Variants in GLB1 observed in about 807,000 individuals in gnomAD.
GLB1 encodes the protein galactosidase beta 1.
In GLB1, 56 loss-of-function variants were observed where a neutral mutation model predicts 74.0. The observed-to-expected ratio is 0.76, with a 90% CI of 0.61 to 0.94. GLB1 has a LOEUF of 0.94. Among genes scored for constraint, GLB1 ranks in the 40% least tolerant of loss-of-function variants. The pLI, the probability that GLB1 is intolerant of heterozygous loss-of-function variation, is 0.00. For synonymous variants in GLB1, 323 were observed against 323.6 expected, an observed-to-expected ratio of 1.00 and a Z score of 0.02; for missense variants, 787 against 845.5, an observed-to-expected ratio of 0.93 and a Z score of 0.86.
At position 33,051,980 on chromosome 3, in the gene GLB1, A is replaced by C; in HGVS notation, c.817T>G (p.Trp273Gly). 6.2e-7 allele frequency: 1 copy of C among 1,614,232 alleles called. No homozygotes were observed. Among genetic ancestry groups the C allele is most frequent in the Non-Finnish European group, 8.5e-7 (1 of 1,180,044 alleles). The change falls in exon 8 of 16, where the codon TGG becomes GGG. Residue 273 changes from tryptophan to glycine, a missense_variant. By Grantham distance (184) the Trp-to-Gly change is radical (BLOSUM62 -2). Transcript: ENST00000307363. ...PLINSEFYTG[W>G]LDHWGQPHST... Reference sequence around the variant, plus strand: ...TGAGGTTGGCCCCAGTGATCTAGCCAGCCAGTATAGAATTCAGAATTGATC... The same window carrying C: ...TGAGGTTGGCCCCAGTGATCTAGCCCGCCAGTATAGAATTCAGAATTGATC...
chr3:33,049,811 T>C (rs930177448), intron 9 of GLB1, among the ~76,000 whole-genome samples: 1 of 152,148 alleles, frequency 6.6e-6, no homozygotes, highest in Non-Finnish European at 1.5e-5. Flanking sequence ...CACACTATTA[T>C]CTTATATGCA....
intron 15 of GLB1, among the ~76,000 whole-genome samples, chr3:33,011,618 C>T (rs1440933624): frequency 1.5e-5 from 2 of 132,034 alleles, no homozygotes; most frequent in African/African-American, 5.9e-5. Context: ...GTACTCCAGC[C>T]TAGGTGACAG....
chr3:33,092,510 GA>G, intron 1 of GLB1: 1 of 1,098,834 alleles, frequency 9.1e-7, no homozygotes, highest in Non-Finnish European at 1.1e-6. Flanking sequence ...TAGCAACCCC[GA>G]GGGGAGGTTC....
chr3:33,075,485 T>C (rs1700072434), intron 1 of GLB1, among the ~76,000 whole-genome samples: 1 of 152,190 alleles, frequency 6.6e-6, no homozygotes, highest in Admixed American at 6.6e-5. Context: ...TTTACAAATA[T>C]AGTATTACCA....
chr3:33,096,540 T>C (rs991929245), intron 1 of GLB1: 2 of 984,710 alleles, frequency 2.0e-6, no homozygotes, highest in Non-Finnish European at 2.4e-6. Context: ...AGAGGGGAAA[T>C]AACCCAATGT....
In GLB1 at chr3:33,018,430, T is replaced by G. The variant is rs766637186; in HGVS notation, c.1347+18A>C. ...ACCCTCACTGGGACAAAACGCACAGTTCAGAGACGATTCTTACCCCATCCA... is the reference window on the plus strand; with the variant it reads ...ACCCTCACTGGGACAAAACGCACAGGTCAGAGACGATTCTTACCCCATCCA... On this transcript the variant is annotated intron_variant, in intron 13 of 15. Coordinates refer to ENST00000307363, the MANE Select transcript of GLB1 (RefSeq NM_000404.4). 6 of 1,612,524 alleles carry G rather than the reference T, an allele frequency of 3.7e-6. No homozygotes were observed. The East Asian group carries it at 1.3e-4, about 36-fold the overall frequency.
chr3:33,068,150 G>A lies in GLB1; in HGVS notation c.457+80C>T. Reference sequence around the variant, plus strand: ...AATCCACCCGCCTCAGCCTCCCAAAGTGTCAGGATTACAGGCGTGAGCCAC... The same window carrying A: ...AATCCACCCGCCTCAGCCTCCCAAAATGTCAGGATTACAGGCGTGAGCCAC... On this transcript the variant is annotated intron_variant, in intron 4 of 15. Coordinates refer to ENST00000307363, the MANE Select transcript of GLB1 (RefSeq NM_000404.4). The A allele has an allele frequency of 3.1e-6, 5 of 1,600,134 alleles. No homozygotes were observed. In the South Asian group the frequency reaches 5.5e-5, roughly 18 times the overall value.
intron 1 of GLB1, among the ~76,000 whole-genome samples, chr3:33,094,659 C>A (rs971961853): frequency 6.2e-5 from 7 of 112,952 alleles, no homozygotes; most frequent in Non-Finnish European, 1.3e-4. Context: ...CCATTACTGC[C>A]TTTTCCATTC....
intron 1 of GLB1, 49 bp from the exon 2 acceptor site, chr3:33,072,762 C>A: frequency 6.2e-7 from 1 of 1,611,946 alleles, no homozygotes; most frequent in Non-Finnish European, 8.5e-7. Context: ...TTCTGCATTT[C>A]AGAAGCCGAT....
At chr3:32,969,882 AGGGCCTACTTGGCCCCCG>A in the GLB1 span, among the ~76,000 whole-genome samples, 1 of 152,250 alleles carries the variant, frequency 6.6e-6, no homozygotes, top group East Asian at 1.9e-4. Context: ...ATCCACCACA[AGGGCCTACTTGGCCCCCG>A]GGAGTTCAGG....
chr3:32,996,333 A>T (rs1461477225), downstream of GLB1, among the ~76,000 whole-genome samples: 1 of 152,200 alleles, frequency 6.6e-6, no homozygotes, highest in Non-Finnish European at 1.5e-5. Flanking sequence ...TGAATATGTG[A>T]AGTTCTTATG....
chr3:32,997,489 A>G, intron 15 of GLB1, 145 bp from the exon 16 acceptor site: 2 of 1,389,380 alleles, frequency 1.4e-6, no homozygotes, highest in Non-Finnish European at 2.0e-6. Flanking sequence ...GGCCCATGCC[A>G]GCCTTGGTTT....
chr3:33,074,362 AAGG>A (rs1464015075), intron 1 of GLB1, among the ~76,000 whole-genome samples: 6 of 117,366 alleles, frequency 5.1e-5, no homozygotes, highest in African/African-American at 1.9e-4. Flanking sequence ...GGAAGGAAGG[AAGG>A]AAGGAAGGAA....
Position 33,068,978 on chromosome 3 carries a change from GACAC to G in GLB1, c.246-12_246-9del, listed in dbSNP as rs758815623. On this transcript the variant is annotated splice_polypyrimidine_tract_variant and intron_variant, in intron 2 of 15. Transcript: ENST00000307363. Reference sequence around the variant, plus strand: ...AAGTTCCAGGGCACATACCTGCCAAGACACACACAGCCCCTTCCTGGATACTTGG... The same window carrying G: ...AAGTTCCAGGGCACATACCTGCCAAGACACAGCCCCTTCCTGGATACTTGG... 84 of 1,614,038 alleles carry G rather than the reference GACAC, an allele frequency of 5.2e-5. No individual in the cohort carries two copies. Among genetic ancestry groups the G allele is most frequent in the Non-Finnish European group, 6.8e-5 (80 of 1,180,022 alleles).
At chr3:33,006,933 C>A (rs963123064) in intron 15 of GLB1, among the ~76,000 whole-genome samples, 1 of 152,248 alleles carries the variant, frequency 6.6e-6, no homozygotes, top group African/African-American at 2.4e-5. Context: ...AACCCCACAC[C>A]GCAACTGCCA....
At chr3:33,037,707 G>A (rs1698335428) in intron 10 of GLB1, among the ~76,000 whole-genome samples, 1 of 152,150 alleles carries the variant, frequency 6.6e-6, no homozygotes, top group Admixed American at 6.5e-5. Context: ...GGGAGCAATT[G>A]AGCAATGGTG....
At chr3:32,993,034 A>G (rs1019021346), downstream of GLB1, among the ~76,000 whole-genome samples, 2 of 152,244 alleles carry the variant, frequency 1.3e-5, no homozygotes, top group African/African-American at 4.8e-5. Context: ...TGTGTGTGCT[A>G]CCACAGACCA....
chr3:33,090,645 T>C (rs1485899252), intron 1 of GLB1: 7 of 985,288 alleles, frequency 7.1e-6, no homozygotes, highest in African/African-American at 1.7e-5. Context: ...TTTAAGAATG[T>C]TGAACAAAGG....
chr3:33,064,974 A>C (rs1388978675), intron 5 of GLB1, among the ~76,000 whole-genome samples: 1 of 152,208 alleles, frequency 6.6e-6, no homozygotes, highest in African/African-American at 2.4e-5. Context: ...GAGAGGAAAC[A>C]TAACAGCCAG....
Sources: gnomAD v4.1 joint callset for allele counts (sites outside exome capture counted in the v4.1 genomes callset) on GRCh38, gnomAD v4.1.1 for gene constraint, MANE v1.5 for transcripts, NCBI Gene and HGNC (gene_info 2026-07-23, HGNC 2026-07-21) for gene names.